The following ZNF521 variants were observed in gnomAD, a reference collection of about 807,000 sequenced individuals.
ZNF521 encodes LYST-interacting protein 3.
ZNF521 carries 14 observed loss-of-function variants against 105.5 expected under a neutral mutation model. The observed-to-expected ratio is 0.13, with a 90% CI of 0.09 to 0.21. The LOEUF (loss-of-function observed/expected upper bound fraction) is 0.21. ZNF521 is among the 10% of genes least tolerant of loss of function. The pLI is 1.00. For synonymous variants in ZNF521, 635 were observed against 606.0 expected, an observed-to-expected ratio of 1.05 and a Z score of -0.70; for missense variants, 1,233 against 1,629.7, an observed-to-expected ratio of 0.76 and a Z score of 4.19.
Position 25,073,586 on chromosome 18 carries a change from T to A in ZNF521, c.3907-10845A>T, listed in dbSNP as rs2033278053. Among the ~76,000 whole-genome samples, 3 of 152,332 alleles carry A rather than the reference T, an allele frequency of 2.0e-5. No individual in the cohort carries two copies. The South Asian group carries it at 6.2e-4, about 32-fold the overall frequency. The stretch of plus-strand genomic sequence containing the variant: ...GATTCAAAAGGTCATCTGATTAGAA[T>A]GAGAGAAGCACAGGGCGTTGTAATT... On this transcript the variant is annotated intron_variant, in intron 7 of 7. Coordinates refer to ENST00000361524, the MANE Select transcript of ZNF521 (RefSeq NM_015461.3).
chr18:25,223,475 G>A (rs148211875), intron 4 of ZNF521, among the ~76,000 whole-genome samples: 405 of 152,290 alleles, frequency 2.7e-3, no homozygotes, highest in African/African-American at 9.5e-3. Flanking sequence ...GATCTCCCTG[G>A]GGTTTTCATT....
chr18:25,192,440 A>G (rs549128012), intron 5 of ZNF521, among the ~76,000 whole-genome samples: 4 of 152,270 alleles, frequency 2.6e-5, no homozygotes, highest in Admixed American at 2.0e-4. Flanking sequence ...GCACACAAAC[A>G]TAGGTGCCAC....
intron 5 of ZNF521, among the ~76,000 whole-genome samples, chr18:25,092,364 A>G (rs990783420): frequency 2.6e-5 from 4 of 152,084 alleles, no homozygotes; most frequent in Non-Finnish European, 5.9e-5. Context: ...ATAATGAGGC[A>G]TTTCCTTTTC....
intron 3 of ZNF521, among the ~76,000 whole-genome samples, chr18:25,277,336 A>G (rs1910101500): frequency 6.6e-6 from 1 of 152,134 alleles, no homozygotes; most frequent in African/African-American, 2.4e-5. Context: ...CTTTAAAACA[A>G]TGTTACTTTC....
chr18:25,114,513 G>A (rs2034264982), intron 5 of ZNF521, among the ~76,000 whole-genome samples: 1 of 152,152 alleles, frequency 6.6e-6, no homozygotes, highest in African/African-American at 2.4e-5. Context: ...AGAGATGATG[G>A]AGAGAATAGC....
chr18:25,071,098 C>T (rs2033210157), intron 7 of ZNF521, among the ~76,000 whole-genome samples: 1 of 152,080 alleles, frequency 6.6e-6, no homozygotes, highest in African/African-American at 2.4e-5. Flanking sequence ...GCTTGCTATA[C>T]CATGCTTGAG....
At chr18:25,172,724 A>G (rs1031124146) in intron 5 of ZNF521, among the ~76,000 whole-genome samples, 9 of 152,176 alleles carry the variant, frequency 5.9e-5, no homozygotes, top group African/African-American at 2.2e-4. Flanking sequence ...ATATAAATGG[A>G]AAGGGAGTTC....
At chr18:25,175,793 G>A (rs1292968435) in intron 5 of ZNF521, among the ~76,000 whole-genome samples, 1 of 152,146 alleles carries the variant, frequency 6.6e-6, no homozygotes, top group African/African-American at 2.4e-5. Flanking sequence ...CAACGGTTTT[G>A]CTACTGTATT....
At chr18:25,090,273 A>G (rs767808212) in intron 6 of ZNF521, among the ~76,000 whole-genome samples, 1 of 152,200 alleles carries the variant, frequency 6.6e-6, no homozygotes, top group Non-Finnish European at 1.5e-5. Context: ...CTTCTGATGG[A>G]TGCCTGGTGC....
chr18:25,160,961 G>A (rs745836157), intron 5 of ZNF521, among the ~76,000 whole-genome samples: 1 of 152,144 alleles, frequency 6.6e-6, no homozygotes, highest in Non-Finnish European at 1.5e-5. Context: ...TGAGGACCCA[G>A]TCTGATACCT....
rs75150329 is a variant in ZNF521 at position 25,260,721 on chromosome 18, T to C, written c.221-33024A>G. Among the ~76,000 whole-genome samples, 1,450 of 152,286 alleles carry C rather than the reference T, an allele frequency of 9.5e-3. 28 individuals carry two copies. Among genetic ancestry groups the C allele is most frequent in the African/African-American group, 0.034 (1,397 of 41,566 alleles). Reference sequence around the variant, plus strand: ...ATAATTACTCATGTGTCTTACGTATTCTTATTGAACTCTGTGGTGCTCAGA... The same window carrying C: ...ATAATTACTCATGTGTCTTACGTATCCTTATTGAACTCTGTGGTGCTCAGA... On this transcript the variant is annotated intron_variant, in intron 3 of 7. Coordinates refer to ENST00000361524, the MANE Select transcript of ZNF521 (RefSeq NM_015461.3).
At chr18:25,342,667 A>G (rs1167154601) in intron 2 of ZNF521, among the ~76,000 whole-genome samples, 1 of 151,872 alleles carries the variant, frequency 6.6e-6, no homozygotes, top group Non-Finnish European at 1.5e-5. Flanking sequence ...TGACCTCGTG[A>G]TCCGCCCGCC....
chr18:25,222,893 A>G (rs1433376119), intron 4 of ZNF521, among the ~76,000 whole-genome samples: 3 of 152,202 alleles, frequency 2.0e-5, no homozygotes, highest in Admixed American at 6.5e-5. Flanking sequence ...AGATGTCATG[A>G]TACCTGCAAC....
intron 2 of ZNF521, among the ~76,000 whole-genome samples, chr18:25,341,591 T>C (rs1335613283): frequency 6.6e-6 from 1 of 152,214 alleles, no homozygotes; most frequent in Non-Finnish European, 1.5e-5. Context: ...TCAGTTCAAG[T>C]GGACATATTT....
rs67381140 is a variant in ZNF521, at chr18:25,273,220, C to CAAAAAAAAAAA, written c.221-45534_221-45524dup. On this transcript the variant is annotated intron_variant, in intron 3 of 7. Transcript: ENST00000361524. ...CCCAAGAGGAGTGAAACCCTGTCTC[C>CAAAAAAAAAAA]AAAAAAAAAAAAAAAAAAAAAAAAA... Among the ~76,000 whole-genome samples, 203 of 40,876 alleles carry CAAAAAAAAAAA rather than the reference C, an allele frequency of 5.0e-3. 29 individuals carry two copies. The highest frequency in any genetic ancestry group is 0.014 in the South Asian group (6 of 436). 26.8% of individuals were successfully genotyped at this position (40,876 alleles called of 152,430 possible). A position where few individuals can be genotyped will look rare whatever the true frequency, so the allele number is the denominator to read the frequency against.
chr18:25,079,029 C>T (rs1196755230), intron 7 of ZNF521, among the ~76,000 whole-genome samples: 1 of 152,214 alleles, frequency 6.6e-6, no homozygotes, highest in Admixed American at 6.5e-5. Context: ...GCACAAATCA[C>T]CACTGCTCTT....
intron 7 of ZNF521, among the ~76,000 whole-genome samples, chr18:25,072,022 C>T (rs749425366): frequency 5.3e-5 from 8 of 152,178 alleles, no homozygotes; most frequent in Non-Finnish European, 7.3e-5. Flanking sequence ...TGTGTAGGAG[C>T]TGAGGCATCT....
intron 5 of ZNF521, among the ~76,000 whole-genome samples, chr18:25,179,899 A>C (rs1452688873): frequency 6.6e-6 from 1 of 152,238 alleles, no homozygotes; most frequent in Non-Finnish European, 1.5e-5. Flanking sequence ...ACAAAAATTT[A>C]TCTTTAAAAA....
At position 25,224,352 on chromosome 18, in the gene ZNF521, G is replaced by A. The variant is rs746089789; in HGVS notation, c.3566C>T (p.Ser1189Leu). The A allele has an allele frequency of 4.4e-6, 7 of 1,608,444 alleles. No homozygotes were observed. Among genetic ancestry groups the A allele is most frequent in the African/African-American group, 2.7e-5 (2 of 74,666 alleles). Residue 1189 changes from serine (S) to leucine (L), a missense_variant, in exon 4 of 8, where the codon TCG becomes TTG. By Grantham distance (145) the Ser-to-Leu change is moderately radical. Coordinates refer to ENST00000361524, the MANE Select transcript of ZNF521 (RefSeq NM_015461.3). ...SPMPRISPSQ[S>L]DEKKTYQCIK... ...TTAAAAAAGGCGAGTTACCTCATCCGACTGGGAGGGACTGATTCTGGGCAT... is the reference window on the plus strand; with the variant it reads ...TTAAAAAAGGCGAGTTACCTCATCCAACTGGGAGGGACTGATTCTGGGCAT...
Sources: allele counts gnomAD v4.1 joint callset (sites outside exome capture counted in the v4.1 genomes callset), GRCh38; gene constraint gnomAD v4.1.1; transcripts MANE v1.5; gene names NCBI Gene and HGNC (gene_info 2026-07-23, HGNC 2026-07-21).